Variants in TRIM71 observed in about 807,000 individuals in gnomAD.
TRIM71 encodes the protein tripartite motif containing 71, also known as E3 ubiquitin-protein ligase TRIM71.
In TRIM71, 9 loss-of-function variants were observed where a neutral mutation model predicts 61.2. The ratio of observed to expected loss-of-function variants is 0.15; its 90% CI spans 0.09 to 0.26. The LOEUF (loss-of-function observed/expected upper bound fraction) is 0.26. Ranked by LOEUF, TRIM71 falls within the 10% of genes least tolerant of loss-of-function variation. The pLI is 1.00. For missense variants in TRIM71, 998 were observed against 1,238.7 expected (o/e 0.81, Z 2.92); for synonymous variants, 645 against 553.2 (o/e 1.17, Z -2.33).
chr3:32,830,438 A>G (rs1696256719), intron 1 of TRIM71, among the ~76,000 whole-genome samples: 2 of 152,156 alleles, frequency 1.3e-5, no homozygotes, highest in African/African-American at 4.8e-5. Flanking sequence ...AGTTTTGTTA[A>G]TCTCTTGAAA....
chr3:32,872,048 A>G (rs1324209979), intron 1 of TRIM71, among the ~76,000 whole-genome samples: 1 of 152,076 alleles, frequency 6.6e-6, no homozygotes, highest in Non-Finnish European at 1.5e-5. Context: ...CAGGGAGGCT[A>G]AGGCAGGAGA....
intron 1 of TRIM71, among the ~76,000 whole-genome samples, chr3:32,865,574 C>T (rs925945242): frequency 6.6e-6 from 1 of 152,108 alleles, no homozygotes; most frequent in Non-Finnish European, 1.5e-5. Flanking sequence ...GGGTTTTCAT[C>T]TTCCTTAAGA....
chr3:32,840,701 G>A (rs1472022186), intron 1 of TRIM71, among the ~76,000 whole-genome samples: 1 of 152,186 alleles, frequency 6.6e-6, no homozygotes, highest in Admixed American at 6.5e-5. Flanking sequence ...TGGGGCAGGA[G>A]GAATTCCTCC....
At chr3:32,837,691 C>T (rs1696350583) in intron 1 of TRIM71, among the ~76,000 whole-genome samples, 1 of 151,944 alleles carries the variant, frequency 6.6e-6, no homozygotes, top group Admixed American at 6.6e-5. Flanking sequence ...TGGTGGCACG[C>T]ACCTGTAGTG....
At chr3:32,821,706 G>C (rs1338505411) in intron 1 of TRIM71, among the ~76,000 whole-genome samples, 2 of 152,078 alleles carry the variant, frequency 1.3e-5, no homozygotes, top group Non-Finnish European at 1.5e-5. Flanking sequence ...GCATCCGGGC[G>C]GGGAATCCAA....
chr3:32,874,401 C>A (rs1006397020), intron 2 of TRIM71, among the ~76,000 whole-genome samples: 2 of 152,128 alleles, frequency 1.3e-5, no homozygotes, highest in Non-Finnish European at 2.9e-5. Context: ...CTTGCCCTGT[C>A]ACCCAGGCTG....
chr3:32,886,825 A>G (rs1398803138), intron 3 of TRIM71, among the ~76,000 whole-genome samples: 2 of 152,182 alleles, frequency 1.3e-5, no homozygotes, highest in Non-Finnish European at 2.9e-5. Flanking sequence ...TTTGCTAACT[A>G]CTGGGCCCTA....
chr3:32,827,000 A>C (rs903684564), intron 1 of TRIM71, among the ~76,000 whole-genome samples: 1 of 151,344 alleles, frequency 6.6e-6, no homozygotes, highest in Non-Finnish European at 1.5e-5. Context: ...TCCTGACCTC[A>C]TGATCCACCC....
At chr3:32,867,906 AT>A (rs1480268810) in intron 1 of TRIM71, among the ~76,000 whole-genome samples, 1 of 151,936 alleles carries the variant, frequency 6.6e-6, no homozygotes, top group African/African-American at 2.4e-5. Flanking sequence ...GTGTGTGTTA[AT>A]TGCTTGTGTG....
At chr3:32,881,195 C>A (rs1004830748) in intron 2 of TRIM71, among the ~76,000 whole-genome samples, 5 of 151,962 alleles carry the variant, frequency 3.3e-5, no homozygotes, top group African/African-American at 1.2e-4. Context: ...ATTTTGGTAT[C>A]TTCAGTAGAG....
At chr3:32,846,106 C>T (rs1435438849) in intron 1 of TRIM71, among the ~76,000 whole-genome samples, 12 of 132,052 alleles carry the variant, frequency 9.1e-5, no homozygotes, top group Non-Finnish European at 1.7e-4. Context: ...GATGGAGTCT[C>T]GCTCTGTCGC....
At chr3:32,860,753 G>T (rs1333837951) in intron 1 of TRIM71, among the ~76,000 whole-genome samples, 1 of 152,052 alleles carries the variant, frequency 6.6e-6, no homozygotes, top group Non-Finnish European at 1.5e-5. Context: ...AAAGCAGGCT[G>T]CCTGGCCTGG....
At position 32,844,455 on chromosome 3, in the gene TRIM71, G is replaced by T. The variant is rs561981020; in HGVS notation, c.852+25523G>T. 2.4e-4 allele frequency among the ~76,000 whole-genome samples: 36 copies of T among 152,256 alleles called. No individual in the cohort carries two copies. In the Middle Eastern group the frequency reaches 0.014, roughly 58 times the overall value. On this transcript the variant is annotated intron_variant, in intron 1 of 3. Transcript: ENST00000383763. ...CCTGTCACTCAGGCTAGAGTGCAGT[G>T]GCGTGATCACAGCTCACCGGAGCCT...
intron 1 of TRIM71, among the ~76,000 whole-genome samples, chr3:32,863,074 G>A (rs1696691572): frequency 6.6e-6 from 1 of 152,038 alleles, no homozygotes; most frequent in Admixed American, 6.6e-5. Flanking sequence ...ATTTTATTAG[G>A]TCCTTAGCTA....
chr3:32,886,247 T>C (rs1696960822), intron 3 of TRIM71, among the ~76,000 whole-genome samples, 179 bp downstream of exon 3: 1 of 152,248 alleles, frequency 6.6e-6, no homozygotes, highest in African/African-American at 2.4e-5. Flanking sequence ...TTGTGGGTGC[T>C]GTCTGCAGTA....
At chr3:32,888,435 A>C (rs1192325585) in intron 3 of TRIM71, among the ~76,000 whole-genome samples, 4 of 670 alleles carry the variant, frequency 6.0e-3, no homozygotes, top group Admixed American at 0.026. Flanking sequence ...CATCTCTACC[A>C]AAAAAAAAAA....
In TRIM71 at chr3:32,891,862, CTCTCTCTCTCTTTCTCTT is replaced by C; in HGVS notation, c.*61_*78del. 6.3e-7 allele frequency: 1 copy of C among 1,576,938 alleles called. No individual in the cohort carries two copies. The highest frequency in any genetic ancestry group is 1.2e-5 in the South Asian group (1 of 86,126). On this transcript the variant is annotated 3_prime_UTR_variant, in exon 4 of 4. Coordinates refer to ENST00000383763, the MANE Select transcript of TRIM71 (RefSeq NM_001039111.3). The surrounding 1 kb of genome is among the most constrained non-coding windows in gnomAD (Gnocchi z 8.2). ...GGGGTGTGTGTGCGTGTCTCTCTCT[CTCTCTCTCTCTTTCTCTT>C]TCTCTCTCTTTTTGAATTTCAAAGA...
At chr3:32,847,221 A>T (rs1575347585) in intron 1 of TRIM71, among the ~76,000 whole-genome samples, 5 of 102,436 alleles carry the variant, frequency 4.9e-5, no homozygotes, top group East Asian at 5.7e-4. Flanking sequence ...TTTGAGACTG[A>T]GTTTTGCTCT....
intron 1 of TRIM71, among the ~76,000 whole-genome samples, chr3:32,852,339 A>G (rs551643864): frequency 6.6e-6 from 1 of 152,302 alleles, no homozygotes; most frequent in East Asian, 1.9e-4. Context: ...CAGCTTCTCC[A>G]TATGTCCACT....
Sources: gnomAD v4.1 joint callset for allele counts (sites outside exome capture counted in the v4.1 genomes callset) on GRCh38, gnomAD v4.1.1 for gene constraint, Gnocchi (gnomAD v3.1) non-coding constraint, MANE v1.5 for transcripts, NCBI Gene and HGNC (gene_info 2026-07-23, HGNC 2026-07-21) for gene names.